The following TNRC6C variants were observed in gnomAD, a reference collection of about 807,000 sequenced individuals.
TNRC6C encodes the protein trinucleotide repeat-containing gene 6C protein.
TNRC6C carries 20 observed loss-of-function variants against 153.7 expected under a neutral mutation model. That is an observed-to-expected ratio of 0.13 (90% CI 0.09 to 0.19). The LOEUF (loss-of-function observed/expected upper bound fraction) is 0.19. Ranked by LOEUF, TNRC6C falls within the 10% of genes least tolerant of loss-of-function variation. The pLI is 1.00. For missense variants in TNRC6C, 1,987 were observed against 2,172.0 expected (o/e 0.91, Z 1.69); for synonymous variants, 811 against 841.4 (o/e 0.96, Z 0.63).
exon 20 of TNRC6C, chr17:78,105,029 T>G: frequency 1.6e-6 from 1 of 606,756 alleles, no homozygotes; most frequent in Middle Eastern, 4.9e-4. Flanking sequence ...CTGCGGTGGG[T>G]CAGCGTCACA....
intron 1 of TNRC6C, among the ~76,000 whole-genome samples, chr17:78,015,956 C>G (rs2071719860): frequency 6.6e-6 from 1 of 152,268 alleles, no homozygotes. Context: ...TCTATATGCT[C>G]TTAACCAGAT....
intron 11 of TNRC6C, among the ~76,000 whole-genome samples, 175 bp from the exon 14 acceptor site, chr17:78,086,328 T>TAAAAAAAAAAAA (rs58348772): frequency 3.7e-5 from 2 of 53,374 alleles, no homozygotes; most frequent in South Asian, 1.4e-3. Context: ...AGACTCCATC[T>TAAAAAAAAAAAA]AAAAAAAAAA....
chr17:78,097,803 C>G (rs2073514423), intron 16 of TNRC6C: 1 of 1,551,164 alleles, frequency 6.4e-7, no homozygotes. Flanking sequence ...CCTGGCCACT[C>G]AGTGCCTCCG....
intron 1 of TNRC6C, among the ~76,000 whole-genome samples, chr17:78,018,619 T>G (rs1197265120): frequency 6.6e-6 from 1 of 152,192 alleles, no homozygotes; most frequent in Non-Finnish European, 1.5e-5. Context: ...CTTTCCTTTT[T>G]TTGCAGCACT....
chr17:78,106,054 A>AG (rs1358201284), exon 20 of TNRC6C: 1 of 139,154 alleles, frequency 7.2e-6, no homozygotes, highest in Non-Finnish European at 1.5e-5. Flanking sequence ...AAAGTTAAAG[A>AG]GAAAAAAAAA....
chr17:77,998,443 A>G (rs1484993989), intron 1 of TNRC6C, among the ~76,000 whole-genome samples: 1 of 151,832 alleles, frequency 6.6e-6, no homozygotes, highest in Non-Finnish European at 1.5e-5. Context: ...TTCCTTCTCC[A>G]CCTCTGGGCC....
At chr17:78,044,120 A>G (rs2072356989) in intron 2 of TNRC6C, among the ~76,000 whole-genome samples, 1 of 152,174 alleles carries the variant, frequency 6.6e-6, no homozygotes, top group South Asian at 2.1e-4. Flanking sequence ...TATGTTTTCA[A>G]CATAGATTCA....
intron 1 of TNRC6C, among the ~76,000 whole-genome samples, chr17:77,984,195 G>A (rs745329045): frequency 2.0e-4 from 31 of 152,084 alleles, no homozygotes; most frequent in Non-Finnish European, 4.0e-4. Flanking sequence ...TGGAAGCACT[G>A]GAGACACAAT....
intron 1 of TNRC6C, among the ~76,000 whole-genome samples, chr17:78,018,718 G>A (rs1171733234): frequency 4.6e-5 from 7 of 152,148 alleles, no homozygotes; most frequent in Non-Finnish European, 1.0e-4. Flanking sequence ...CACAGGGCCA[G>A]GGATCTCTCT....
chr17:78,019,891 T>G (rs186175144), intron 1 of TNRC6C, among the ~76,000 whole-genome samples: 3 of 152,150 alleles, frequency 2.0e-5, no homozygotes, highest in East Asian at 1.9e-4. Flanking sequence ...ATGCCCTGGT[T>G]TTTTAGACAG....
chr17:78,083,174 G>A lies in TNRC6C; in HGVS notation c.3477+8G>A. On this transcript the variant is annotated splice_region_variant and intron_variant, in intron 11 of 19. Transcript: ENST00000301624. ...CTCTATCAGCTGCAGCTGGTGAGTGGATAGACCCATGCAAGTTAGAGCACG... is the reference window on the plus strand; with the variant it reads ...CTCTATCAGCTGCAGCTGGTGAGTGAATAGACCCATGCAAGTTAGAGCACG... 1 of 1,613,692 alleles carries A rather than the reference G, an allele frequency of 6.2e-7. No individual in the cohort carries two copies. The highest frequency in any genetic ancestry group is 8.5e-7 in the Non-Finnish European group (1 of 1,179,900).
At chr17:77,987,517 A>G (rs1359556245) in intron 1 of TNRC6C, among the ~76,000 whole-genome samples, 1 of 152,236 alleles carries the variant, frequency 6.6e-6, no homozygotes, top group Non-Finnish European at 1.5e-5. Context: ...AAACTGGAAT[A>G]ATCACCAATA....
chr17:78,051,392 C>T lies in TNRC6C; in HGVS notation c.2330C>T (p.Thr777Met), dbSNP rs1250480976. 13 of 1,549,846 alleles carry T rather than the reference C, an allele frequency of 8.4e-6. No homozygotes were observed. In the African/African-American group the frequency reaches 1.4e-4, roughly 16 times the overall value. ...AGCAACACCACACACAGGGTCGAGA[C>T]GCCGCCCCCGCACCAGGCCGGTACT... Residue 777 changes from threonine to methionine, a missense_variant, in exon 3 of 20, where the codon ACG becomes ATG. Coordinates refer to ENST00000301624, the Ensembl canonical transcript of TNRC6C.
chr17:78,010,944 C>T (rs1257087143), intron 1 of TNRC6C, among the ~76,000 whole-genome samples: 5 of 152,162 alleles, frequency 3.3e-5, no homozygotes, highest in Non-Finnish European at 7.4e-5. Context: ...GTGAGCCTAG[C>T]GGCAAGGAAG....
intron 1 of TNRC6C, among the ~76,000 whole-genome samples, chr17:77,987,545 A>G (rs1399208226): frequency 6.6e-6 from 1 of 152,230 alleles, no homozygotes; most frequent in African/African-American, 2.4e-5. Flanking sequence ...AATATAAACA[A>G]AGGGGATTAG....
chr17:78,048,528 A>G (rs995361797), intron 2 of TNRC6C, among the ~76,000 whole-genome samples: 5 of 152,216 alleles, frequency 3.3e-5, no homozygotes, highest in African/African-American at 1.2e-4. Context: ...TTGCAAAGTC[A>G]CTTATCTTTC....
rs2072520267 is a variant in TNRC6C, at chr17:78,051,046, G to A, written c.1984G>A (p.Gly662Ser). The A allele has an allele frequency of 1.9e-6, 3 of 1,612,124 alleles. No homozygotes were observed. The African/African-American group carries it at 4.0e-5, about 22-fold the overall frequency. The change falls in exon 3 of 20, where the codon GGC becomes AGC. Residue 662 changes from glycine (G) to serine (S), a missense_variant. This residue lies in a region of TNRC6C where 1,052 missense variants were observed against 1,017.0 expected (regional missense o/e 1.03). Coordinates refer to ENST00000301624, the Ensembl canonical transcript of TNRC6C. Reference sequence around the variant, plus strand: ...AAACTGGGGGGAGACTTTAAAACCTGGCCCCCAACAGAACTGGGCTAGCAA... The same window carrying A: ...AAACTGGGGGGAGACTTTAAAACCTAGCCCCCAACAGAACTGGGCTAGCAA...
At chr17:78,091,930 A>C (rs2073401468) in intron 14 of TNRC6C, among the ~76,000 whole-genome samples, 3 of 152,328 alleles carry the variant, frequency 2.0e-5, no homozygotes, top group Non-Finnish European at 4.4e-5. Context: ...AAATGTTTTC[A>C]ATAAAATGGT....
At chr17:78,086,349 A>AC (rs1230311639) in intron 11 of TNRC6C, among the ~76,000 whole-genome samples, 154 bp from the exon 14 acceptor site, 15 of 149,312 alleles carry the variant, frequency 1.0e-4, no homozygotes, top group Admixed American at 2.0e-4. Flanking sequence ...AAAAAAAAAA[A>AC]AAAAAAAAAA....
Sources: gnomAD v4.1 joint callset for allele counts (sites outside exome capture counted in the v4.1 genomes callset) on GRCh38, gnomAD v4.1.1 for gene constraint, gnomAD v4.1.1 regional missense constraint, MANE v1.5 for transcripts, NCBI Gene and HGNC (gene_info 2026-07-23, HGNC 2026-07-21) for gene names.